Variants in SANBR observed in about 807,000 individuals in gnomAD.
SANBR encodes the protein SANT and BTB domain regulator of CSR, also known as SANT and BTB domain regulator of class switch recombination.
Under a neutral mutation model 101.8 loss-of-function variants are expected in SANBR, and 77 were observed. That is an observed-to-expected ratio of 0.76 (90% confidence interval 0.63 to 0.91). SANBR has a LOEUF of 0.91. Among genes scored for constraint, SANBR ranks in the 40% least tolerant of loss-of-function variants. The pLI is 0.00. For missense variants in SANBR, 875 were observed against 853.0 expected, an observed-to-expected ratio of 1.03 and a Z score of -0.32; for synonymous variants, 279 against 274.7, an observed-to-expected ratio of 1.02 and a Z score of -0.15.
chr2:61,105,765 G>A (rs879256207), intron 13 of SANBR, among the ~76,000 whole-genome samples: 12 of 151,894 alleles, frequency 7.9e-5, no homozygotes, highest in Non-Finnish European at 1.8e-4. Context: ...TCCGCCTCCC[G>A]GGTTCAAGCA....
intron 16 of SANBR, among the ~76,000 whole-genome samples, chr2:61,111,324 C>T (rs920063295): frequency 4.0e-5 from 6 of 151,874 alleles, no homozygotes; most frequent in African/African-American, 7.3e-5. Flanking sequence ...ACCTGGGAGG[C>T]GGAGCTTGCA....
chr2:61,104,985 C>T (rs567038249), intron 13 of SANBR, among the ~76,000 whole-genome samples: 2 of 151,358 alleles, frequency 1.3e-5, no homozygotes, highest in African/African-American at 4.9e-5. Flanking sequence ...GTTCATCTCT[C>T]CATGAGTTTG....
intron 11 of SANBR, among the ~76,000 whole-genome samples, chr2:61,097,242 T>C (rs1024210409): frequency 2.0e-5 from 3 of 152,208 alleles, no homozygotes; most frequent in Non-Finnish European, 2.9e-5. Flanking sequence ...AGTTGTAAAA[T>C]TGAGTGTATA....
downstream of SANBR, chr2:61,124,350 T>C: frequency 3.0e-6 from 2 of 675,348 alleles, no homozygotes; most frequent in Non-Finnish European, 3.7e-6. Context: ...TAGCTCTAGA[T>C]TCCACAGGTT....
intron 20 of SANBR, among the ~76,000 whole-genome samples, chr2:61,132,469 A>G (rs1436573984): frequency 6.6e-6 from 1 of 152,238 alleles, no homozygotes; most frequent in African/African-American, 2.4e-5. Flanking sequence ...ACAGTGAGAT[A>G]TCACTTTAAC....
At chr2:61,117,597 T>G (rs1387701988) in intron 19 of SANBR, 57 bp downstream of exon 19, 2 of 1,424,208 alleles carry the variant, frequency 1.4e-6, no homozygotes, top group Admixed American at 3.4e-5. Context: ...ATGATTGGTG[T>G]GTGTTTCATT....
intron 21 of SANBR, among the ~76,000 whole-genome samples, chr2:61,135,508 A>G (rs572698820): frequency 6.6e-6 from 1 of 152,358 alleles, no homozygotes; most frequent in East Asian, 1.9e-4. Context: ...AGAGGTAACC[A>G]GGTGACTCTG....
In SANBR at chr2:61,101,752, A is replaced by G. The variant is rs561865080; in HGVS notation, c.1366-2101A>G. Among the ~76,000 whole-genome samples the G allele has an allele frequency of 4.0e-5, 6 of 151,516 alleles. No individual in the cohort carries two copies. In the South Asian group the frequency reaches 1.3e-3, roughly 32 times the overall value. On this transcript the variant is annotated intron_variant, in intron 12 of 21. Coordinates refer to ENST00000402291, the MANE Select transcript of SANBR (RefSeq NM_001129993.3). ...GAAAAAAAAAAAATTGTATATATTA[A>G]TAGGCCAGGCACAGTGGCTCAAGCC...
intron 20 of SANBR, among the ~76,000 whole-genome samples, chr2:61,120,584 T>C (rs1016344012): frequency 2.0e-5 from 3 of 151,914 alleles, no homozygotes; most frequent in Non-Finnish European, 4.4e-5. Flanking sequence ...AAGAAATTAA[T>C]TGGGCATGGT....
At chr2:61,104,139 G>C (rs1457384292) in intron 13 of SANBR, 141 bp downstream of exon 13, 1 of 711,080 alleles carries the variant, frequency 1.4e-6, no homozygotes, top group African/African-American at 1.8e-5. Flanking sequence ...TTATATGTTA[G>C]CTTACAGTAA....
chr2:61,099,610 G>A (rs1397922729), intron 12 of SANBR, among the ~76,000 whole-genome samples: 3 of 152,182 alleles, frequency 2.0e-5, no homozygotes, highest in African/African-American at 4.8e-5. Flanking sequence ...GAGTTTGGGA[G>A]CTCAGAGAAG....
At chr2:61,095,551 T>C (rs1323936637) in intron 11 of SANBR, among the ~76,000 whole-genome samples, 1 of 152,086 alleles carries the variant, frequency 6.6e-6, no homozygotes, top group Non-Finnish European at 1.5e-5. Context: ...ATAATATAAA[T>C]AGAAAAAAAA....
chr2:61,095,843 C>T (rs957819512), intron 11 of SANBR, among the ~76,000 whole-genome samples: 5 of 152,156 alleles, frequency 3.3e-5, no homozygotes, highest in Non-Finnish European at 1.5e-5. Flanking sequence ...GATGTCCCCT[C>T]CATCCAGTCC....
intron 12 of SANBR, among the ~76,000 whole-genome samples, chr2:61,102,535 A>T (rs1001815317): frequency 2.7e-5 from 4 of 145,804 alleles, no homozygotes; most frequent in African/African-American, 7.5e-5. Flanking sequence ...CAATGACTAA[A>T]TTTTTTTTTT....
intron 16 of SANBR, among the ~76,000 whole-genome samples, chr2:61,114,438 C>T (rs1217476176): frequency 1.3e-5 from 2 of 152,202 alleles, no homozygotes; most frequent in East Asian, 3.9e-4. Context: ...ATAGACTGCT[C>T]TACATTCCTA....
chr2:61,105,331 A>G (rs891894063), intron 13 of SANBR, among the ~76,000 whole-genome samples: 1 of 151,642 alleles, frequency 6.6e-6, no homozygotes, highest in Non-Finnish European at 1.5e-5. Context: ...GTGCCACTGC[A>G]TTCCAGCCTG....
chr2:61,101,233 G>C (rs1392568718), intron 12 of SANBR, among the ~76,000 whole-genome samples: 1 of 152,110 alleles, frequency 6.6e-6, no homozygotes, highest in Non-Finnish European at 1.5e-5. Flanking sequence ...AAGATATTTC[G>C]TTAATTCATC....
At chr2:61,102,008 G>C (rs1683309251) in intron 12 of SANBR, among the ~76,000 whole-genome samples, 1 of 151,490 alleles carries the variant, frequency 6.6e-6, no homozygotes, top group South Asian at 2.1e-4. Flanking sequence ...CTCCAGCCTG[G>C]GTGACAGAGC....
intron 12 of SANBR, among the ~76,000 whole-genome samples, chr2:61,101,037 A>G (rs1335628473): frequency 6.6e-6 from 1 of 152,184 alleles, no homozygotes; most frequent in Admixed American, 6.5e-5. Flanking sequence ...ATGGAATTTT[A>G]ACTGCATTAG....
Sources: gnomAD v4.1 joint callset for allele counts (sites outside exome capture counted in the v4.1 genomes callset) on GRCh38, gnomAD v4.1.1 for gene constraint, MANE v1.5 for transcripts, NCBI Gene and HGNC (gene_info 2026-07-23, HGNC 2026-07-21) for gene names.